PHF24: variants seen among roughly 807,000 people sequenced by gnomAD.
PHF24 encodes the protein PHD finger protein 24, also known as Galpha inhibitory interacting protein.
In PHF24, 25 loss-of-function variants were observed where a neutral mutation model predicts 42.6. The observed-to-expected ratio is 0.59, with a 90% CI of 0.43 to 0.82. PHF24 has a LOEUF of 0.82. PHF24 is among the 40% of genes least tolerant of loss of function. PHF24 has a pLI of 0.00. For missense variants in PHF24, 470 were observed against 538.1 expected (o/e 0.87, Z 1.25); for synonymous variants, 185 against 204.8 (o/e 0.90, Z 0.83).
chr9:34,826,989 A>G, the PHF24 span, among the ~76,000 whole-genome samples: 3 of 152,160 alleles, frequency 2.0e-5, no homozygotes, highest in South Asian at 6.2e-4. Flanking sequence ...TATGACCCCT[A>G]TTTCTCTTAG....
At chr9:34,873,476 T>G in the PHF24 span, among the ~76,000 whole-genome samples, 109,744 of 149,798 alleles carry the variant, frequency 0.73, 40,657 homozygotes, top group East Asian at 0.87. Context: ...TTTCCCCATT[T>G]CTTGTTTTTG....
chr9:34,909,992 T>A, the PHF24 span, among the ~76,000 whole-genome samples: 1 of 152,240 alleles, frequency 6.6e-6, no homozygotes, highest in East Asian at 1.9e-4. Flanking sequence ...TTTTGTTTCA[T>A]GTAGAAGACA....
the PHF24 span, among the ~76,000 whole-genome samples, chr9:34,809,824 C>T: frequency 6.6e-6 from 1 of 152,102 alleles, no homozygotes; most frequent in African/African-American, 2.4e-5. This position sits in a 1 kb window ranked among gnomAD's most constrained non-coding sequence, Gnocchi z 4.1. Context: ...CGCCAACTGG[C>T]ACCTGGGCCC....
the PHF24 span, among the ~76,000 whole-genome samples, chr9:34,854,394 T>G: frequency 2.6e-5 from 4 of 152,172 alleles, no homozygotes; most frequent in South Asian, 8.3e-4. Flanking sequence ...TCTTTCTAGC[T>G]TTTTGATGTG....
At chr9:34,906,494 G>T in the PHF24 span, among the ~76,000 whole-genome samples, 1 of 151,972 alleles carries the variant, frequency 6.6e-6, no homozygotes, top group African/African-American at 2.4e-5. Context: ...CTTTGACATG[G>T]TGCTTCCTTC....
chr9:34,715,271 G>A, the PHF24 span, among the ~76,000 whole-genome samples: 1 of 152,060 alleles, frequency 6.6e-6, no homozygotes, highest in Admixed American at 6.5e-5. Context: ...TGAGAGGGAG[G>A]CACTGAAGCA....
the PHF24 span, among the ~76,000 whole-genome samples, chr9:34,757,267 GTT>G: frequency 1.0e-3 from 149 of 146,238 alleles, 1 homozygote; most frequent in Middle Eastern, 3.5e-3. Flanking sequence ...TTTATTTCTA[GTT>G]TTTTTTTTTT....
the PHF24 span, chr9:34,918,364 C>T: frequency 2.8e-6 from 2 of 714,454 alleles, no homozygotes; most frequent in South Asian, 3.0e-5. Context: ...TCCCCCTCTC[C>T]CAGTTGTCCC....
At chr9:34,705,427 A>G in the PHF24 span, among the ~76,000 whole-genome samples, 1 of 152,102 alleles carries the variant, frequency 6.6e-6, no homozygotes, top group South Asian at 2.1e-4. Context: ...CTGGGACCAT[A>G]GGCACATGCC....
the PHF24 span, among the ~76,000 whole-genome samples, chr9:34,909,729 C>T: frequency 4.3e-4 from 66 of 151,910 alleles, no homozygotes; most frequent in African/African-American, 1.3e-3. Flanking sequence ...TCACGCCATT[C>T]TCCTGCCTCA....
At chr9:34,756,130 G>C in the PHF24 span, among the ~76,000 whole-genome samples, 2 of 151,660 alleles carry the variant, frequency 1.3e-5, no homozygotes, top group Admixed American at 6.6e-5. Context: ...TCAAAGTTTC[G>C]CTCTTGTTGC....
At chr9:34,813,148 A>G in the PHF24 span, among the ~76,000 whole-genome samples, 2 of 152,098 alleles carry the variant, frequency 1.3e-5, no homozygotes, top group Non-Finnish European at 2.9e-5. Context: ...GAGGGTGATG[A>G]TTTCCCAGAT....
the PHF24 span, among the ~76,000 whole-genome samples, chr9:34,869,019 C>A: frequency 6.6e-6 from 1 of 152,180 alleles, no homozygotes; most frequent in Non-Finnish European, 1.5e-5. Flanking sequence ...GTTTTCTGTT[C>A]CTGCGTTCGT....
intron 1 of PHF24, 65 bp from the exon 2 acceptor site, chr9:34,971,230 A>C: frequency 6.6e-6 from 10 of 1,526,336 alleles, no homozygotes; most frequent in Non-Finnish European, 8.8e-6. Flanking sequence ...ACTTAGGTTG[A>C]AACTGATTAG....
At chr9:34,855,321 G>A in the PHF24 span, among the ~76,000 whole-genome samples, 2 of 152,126 alleles carry the variant, frequency 1.3e-5, no homozygotes, top group African/African-American at 4.8e-5. Flanking sequence ...TCATCATGAT[G>A]CTAGCTAGTT....
At chr9:34,820,548 C>T in the PHF24 span, among the ~76,000 whole-genome samples, 1 of 152,166 alleles carries the variant, frequency 6.6e-6, no homozygotes, top group Non-Finnish European at 1.5e-5. Flanking sequence ...CTCCATGTCC[C>T]TGCAAAGGAC....
chr9:34,904,209 CTTTA>C, the PHF24 span, among the ~76,000 whole-genome samples: 1 of 152,140 alleles, frequency 6.6e-6, no homozygotes, highest in Admixed American at 6.5e-5. Context: ...TTTGGATGCC[CTTTA>C]TTTCTTTCTC....
chr9:34,971,760 C>T, intron 2 of PHF24, 84 bp downstream of exon 2: 1 of 1,447,812 alleles, frequency 6.9e-7, no homozygotes, highest in African/African-American at 1.4e-5. Flanking sequence ...TAAGGTGATC[C>T]TCAAAACCGG....
the PHF24 span, among the ~76,000 whole-genome samples, chr9:34,877,278 C>G: frequency 9.0e-6 from 1 of 110,946 alleles, no homozygotes; most frequent in Non-Finnish European, 1.9e-5. Context: ...CAGACTCTGT[C>G]TCAAAAAAAA....
Sources: allele counts gnomAD v4.1 joint callset (sites outside exome capture counted in the v4.1 genomes callset), GRCh38; gene constraint gnomAD v4.1.1; non-coding constraint Gnocchi (gnomAD v3.1); transcripts MANE v1.5; gene names NCBI Gene and HGNC (gene_info 2026-07-23, HGNC 2026-07-21).